FAIM: variants seen among roughly 807,000 people sequenced by gnomAD.
FAIM encodes fas apoptotic inhibitory molecule 1.
In FAIM, 14 loss-of-function variants were observed where a neutral mutation model predicts 21.2. The ratio of observed to expected loss-of-function variants is 0.66; its 90% confidence interval spans 0.44 to 1.03. The LOEUF is 1.03. FAIM is among the 50% of genes least tolerant of loss of function. The pLI is 0.00. For missense variants in FAIM, 222 were observed against 247.1 expected (o/e 0.90, Z 0.68); for synonymous variants, 86 against 80.4 (o/e 1.07, Z -0.37).
intron 4 of FAIM, 31 bp downstream of exon 4, chr3:138,622,447 T>C (rs767607742): frequency 3.5e-6 from 5 of 1,437,204 alleles, no homozygotes; most frequent in East Asian, 2.3e-5. Context: ...CAGAACTTTT[T>C]TTTTTTTTTT....
At chr3:138,626,697 C>T (rs1015909268) in intron 4 of FAIM, among the ~76,000 whole-genome samples, 3 of 152,138 alleles carry the variant, frequency 2.0e-5, no homozygotes, top group Non-Finnish European at 4.4e-5. Flanking sequence ...TATATTAGTA[C>T]ACATTTCTGG....
At position 138,610,312 on chromosome 3, in the gene FAIM, GGATTTTAAAA is replaced by G. The variant is rs1192496670; in HGVS notation, c.-17+1380_-17+1389del. On this transcript the variant is annotated intron_variant, in intron 1 of 5. Coordinates refer to ENST00000360570, the MANE Select transcript of FAIM (RefSeq NM_001033031.2). Reference sequence around the variant, plus strand: ...CTTAGGTGTTGGGTTGCTAGGGAAGGGATTTTAAAAGATTGATGGGTACGTATGAGATACG... The same window carrying G: ...CTTAGGTGTTGGGTTGCTAGGGAAGGGATTGATGGGTACGTATGAGATACG... 1.7e-3 allele frequency among the ~76,000 whole-genome samples: 253 copies of G among 152,192 alleles called. 2 individuals are homozygous for G. Among genetic ancestry groups the G allele is most frequent in the Non-Finnish European group, 3.8e-4 (26 of 68,012 alleles).
At chr3:138,622,140 AT>A in intron 3 of FAIM, 47 bp from the exon 4 acceptor site, 1 of 1,402,584 alleles carries the variant, frequency 7.1e-7, no homozygotes, top group Non-Finnish European at 9.8e-7. Flanking sequence ...AAAATTAGAT[AT>A]CAATTTTTCT....
At chr3:138,611,262 AT>A (rs568087578) in intron 1 of FAIM, among the ~76,000 whole-genome samples, 137 of 149,520 alleles carry the variant, frequency 9.2e-4, no homozygotes, top group Non-Finnish European at 1.7e-3. Context: ...GGACACCTGC[AT>A]TTTTTTTTCT....
chr3:138,620,613 A>G (rs1035276852), intron 2 of FAIM, among the ~76,000 whole-genome samples: 4 of 152,108 alleles, frequency 2.6e-5, no homozygotes, highest in African/African-American at 9.7e-5. Flanking sequence ...CTCTTACCTC[A>G]GCATCCCAAG....
intron 1 of FAIM, among the ~76,000 whole-genome samples, chr3:138,615,705 T>C (rs1368124826): frequency 6.6e-6 from 1 of 152,224 alleles, no homozygotes; most frequent in East Asian, 1.9e-4. Flanking sequence ...TTCCCTGATA[T>C]GAATGGCCAA....
At chr3:138,626,011 T>G (rs1346698228) in intron 4 of FAIM, among the ~76,000 whole-genome samples, 3 of 152,140 alleles carry the variant, frequency 2.0e-5, no homozygotes, top group African/African-American at 7.2e-5. Flanking sequence ...AGGAGGAAAG[T>G]ACATATGAAA....
chr3:138,627,597 A>G (rs969670207), intron 4 of FAIM, among the ~76,000 whole-genome samples: 1 of 152,204 alleles, frequency 6.6e-6, no homozygotes, highest in Admixed American at 6.5e-5. Flanking sequence ...GTACACGTAC[A>G]TGTTCAGTAA....
intron 4 of FAIM, among the ~76,000 whole-genome samples, chr3:138,624,465 C>T (rs1359031355): frequency 1.3e-5 from 2 of 152,152 alleles, no homozygotes; most frequent in African/African-American, 4.8e-5. Flanking sequence ...TGCCTTTACT[C>T]TTCTTTATCC....
chr3:138,629,111 A>G lies in FAIM; in HGVS notation c.411A>G (p.Lys137=). ...DGENFRIVLE[K]DAMDVWCNGK... The stretch of plus-strand genomic sequence containing the variant: ...GTTTTTATGTTACCTTTACAGAAAA[A>G]GATGCTATGGACGTATGGTGCAATG... The change falls in exon 5 of 6, where the codon AAA becomes AAG. Residue 137 remains lysine (K), a synonymous_variant. Transcript: ENST00000360570. 2 of 1,606,578 alleles carry G rather than the reference A, an allele frequency of 1.2e-6. No individual in the cohort carries two copies. The highest frequency in any genetic ancestry group is 1.1e-5 in the South Asian group (1 of 90,062).
chr3:138,619,480 C>T (rs1406147377), intron 1 of FAIM, among the ~76,000 whole-genome samples: 1 of 152,138 alleles, frequency 6.6e-6, no homozygotes, highest in Admixed American at 6.5e-5. Flanking sequence ...ATTATAAATC[C>T]ATAACAGGGA....
rs1206697053 is a variant in FAIM at position 138,632,455 on chromosome 3, T to C, written c.457-475T>C. 2.6e-5 allele frequency among the ~76,000 whole-genome samples: 4 copies of C among 152,082 alleles called. No individual in the cohort carries two copies. The East Asian group carries it at 7.7e-4, about 29-fold the overall frequency. On this transcript the variant is annotated intron_variant, in intron 5 of 5. Coordinates refer to ENST00000360570, the MANE Select transcript of FAIM (RefSeq NM_001033031.2). ...AGAACAGGTATAGATTTAGTGGTGT[T>C]TGGTTTTGTTATATGTATATTTTAC...
chr3:138,633,163 ATT>A lies in FAIM; in HGVS notation c.*86_*87del. 3.4e-6 allele frequency: 4 copies of A among 1,178,464 alleles called. No individual in the cohort carries two copies. Among genetic ancestry groups the A allele is most frequent in the African/African-American group, 1.6e-5 (1 of 64,158 alleles). 73.0% of individuals were successfully genotyped at this position (1,178,464 alleles called of 1,614,324 possible). A position where few individuals can be genotyped will look rare whatever the true frequency, so the allele number is the denominator to read the frequency against. On this transcript the variant is annotated 3_prime_UTR_variant, in exon 6 of 6. Transcript: ENST00000360570. ...GTGTTCAGTATGTACTTATCAGTACATTTAGTCTGCAATGTTTTAATTTTTTA... is the reference window on the plus strand; with the variant it reads ...GTGTTCAGTATGTACTTATCAGTACATAGTCTGCAATGTTTTAATTTTTTA...
At chr3:138,632,833 A>G in intron 5 of FAIM, 97 bp from the exon 6 acceptor site, 1 of 1,186,774 alleles carries the variant, frequency 8.4e-7, no homozygotes, top group Non-Finnish European at 1.2e-6. Context: ...CTAATACATT[A>G]TTTTATTGCA....
intron 1 of FAIM, among the ~76,000 whole-genome samples, chr3:138,614,445 AAC>A (rs1577006522): frequency 6.6e-6 from 1 of 152,038 alleles, no homozygotes; most frequent in East Asian, 1.9e-4. Context: ...TATCTCAAAA[AAC>A]AAAAAAAAAG....
intron 1 of FAIM, among the ~76,000 whole-genome samples, chr3:138,609,593 ACTCTCTCT>A (rs145700416): frequency 1.9e-4 from 5 of 26,774 alleles, no homozygotes; most frequent in African/African-American, 5.7e-4. Flanking sequence ...CTCTCTCTCG[ACTCTCTCT>A]CTCTCTCTCT....
Position 138,619,721 on chromosome 3 carries a change from C to A in FAIM, c.-6C>A. 6.2e-7 allele frequency: 1 copy of A among 1,612,252 alleles called. No individual in the cohort carries two copies. Among genetic ancestry groups the A allele is most frequent in the Middle Eastern group, 1.7e-4 (1 of 6,042 alleles). On this transcript the variant is annotated 5_prime_UTR_variant, in exon 2 of 6. Transcript: ENST00000360570. ...CTAATTGGATTAAAGACTGTTTTTGCCAACCATGGCATCTGGAGATGACAG... is the reference window on the plus strand; with the variant it reads ...CTAATTGGATTAAAGACTGTTTTTGACAACCATGGCATCTGGAGATGACAG...
In FAIM at chr3:138,617,383, GTATAATATGTATATATTATA is replaced by G. The variant is rs566762332; in HGVS notation, c.-16-2311_-16-2292del. On this transcript the variant is annotated intron_variant, in intron 1 of 5. Transcript: ENST00000360570. The stretch of plus-strand genomic sequence containing the variant: ...GGCTTATTTTTTATATTATATGTAT[GTATAATATGTATATATTATA>G]TATAATATGTATATATAATAAATAT... Among the ~76,000 whole-genome samples, 587 of 145,824 alleles carry G rather than the reference GTATAATATGTATATATTATA, an allele frequency of 4.0e-3. 2 individuals carry two copies. The highest frequency in any genetic ancestry group is 7.0e-3 in the Non-Finnish European group (467 of 66,972).
chr3:138,611,073 C>A, intron 1 of FAIM: 1 of 1,465,406 alleles, frequency 6.8e-7, no homozygotes, highest in Non-Finnish European at 9.6e-7. Flanking sequence ...ACATAAGTAC[C>A]CAATAACTAT....
Sources: allele counts gnomAD v4.1 joint callset (sites outside exome capture counted in the v4.1 genomes callset), GRCh38; gene constraint gnomAD v4.1.1; transcripts MANE v1.5; gene names NCBI Gene and HGNC (gene_info 2026-07-23, HGNC 2026-07-21).